SLC9C1: variants seen among roughly 807,000 people sequenced by gnomAD.
The protein encoded by SLC9C1 is solute carrier family 9 member C1.
In SLC9C1, 97 loss-of-function variants were observed where a neutral mutation model predicts 140.9. That is an observed-to-expected ratio of 0.69 (90% CI 0.58 to 0.82). The LOEUF (loss-of-function observed/expected upper bound fraction) is 0.82, where lower values mean the gene tolerates loss of function less well. Among genes scored for constraint, SLC9C1 ranks in the 40% least tolerant of loss-of-function variants. SLC9C1 has a pLI of 0.00. For missense variants in SLC9C1, 1,340 were observed against 1,389.3 expected, an observed-to-expected ratio of 0.96 and a Z score of 0.56; for synonymous variants, 440 against 442.6, an observed-to-expected ratio of 0.99 and a Z score of 0.07.
intron 18 of SLC9C1, among the ~76,000 whole-genome samples, chr3:112,200,977 T>G (rs2077892077): frequency 6.6e-6 from 1 of 152,020 alleles, no homozygotes; most frequent in Admixed American, 6.6e-5. Flanking sequence ...AGCCCAATTT[T>G]GAGACATCTG....
chr3:112,164,117 T>G (rs1041782285), intron 26 of SLC9C1, among the ~76,000 whole-genome samples: 5 of 151,998 alleles, frequency 3.3e-5, no homozygotes, highest in African/African-American at 1.2e-4. Context: ...TTGTTTTCCA[T>G]TTGCTTGGTA....
intron 28 of SLC9C1, 91 bp from the exon 29 acceptor site, chr3:112,141,372 G>T: frequency 7.3e-7 from 1 of 1,373,828 alleles, no homozygotes; most frequent in Middle Eastern, 2.5e-4. Context: ...GTACTAGAGG[G>T]TCAATTTGAC....
At chr3:112,194,649 A>G (rs2077732805) in intron 20 of SLC9C1, among the ~76,000 whole-genome samples, 1 of 152,168 alleles carries the variant, frequency 6.6e-6, no homozygotes, top group East Asian at 1.9e-4. Context: ...ATATACCCAG[A>G]AAAGGAATTA....
intron 2 of SLC9C1, 125 bp from the exon 3 acceptor site, chr3:112,280,908 T>TCCTC: frequency 1.1e-5 from 7 of 609,182 alleles, no homozygotes; most frequent in Non-Finnish European, 1.9e-5. Flanking sequence ...GAGTTTAAAA[T>TCCTC]CCTCCCTCAC....
chr3:112,264,132 T>C (rs1025102155), intron 9 of SLC9C1, 68 bp downstream of exon 9: 1 of 735,972 alleles, frequency 1.4e-6, no homozygotes, highest in Non-Finnish European at 1.9e-6. Context: ...ATCTTTGTGT[T>C]ATTTAAAAGA....
chr3:112,168,295 C>G (rs972570996), intron 25 of SLC9C1, among the ~76,000 whole-genome samples: 1 of 150,906 alleles, frequency 6.6e-6, no homozygotes, highest in Non-Finnish European at 1.5e-5. Flanking sequence ...ACATGTGCCT[C>G]TCTGATTCTC....
At chr3:112,183,349 C>CTTTTCTTTTT (rs1553783293) in intron 20 of SLC9C1, among the ~76,000 whole-genome samples, 2 of 95,396 alleles carry the variant, frequency 2.1e-5, no homozygotes, top group East Asian at 5.1e-4. Context: ...AGCACCTTTT[C>CTTTTCTTTTT]TTTTTTTTTT....
chr3:112,209,103 G>T (rs376559207), intron 15 of SLC9C1, among the ~76,000 whole-genome samples: 1 of 152,212 alleles, frequency 6.6e-6, no homozygotes, highest in East Asian at 1.9e-4. Flanking sequence ...ACATGATAAT[G>T]ATTAATTAAT....
chr3:112,256,039 G>A (rs868182330), intron 10 of SLC9C1, among the ~76,000 whole-genome samples: 27 of 151,738 alleles, frequency 1.8e-4, no homozygotes, highest in Admixed American at 1.3e-4. Context: ...GGAAGAAAGT[G>A]TTTCCCTGAA....
intron 20 of SLC9C1, chr3:112,186,100 T>C (rs1576296986): frequency 4.9e-6 from 4 of 824,678 alleles, no homozygotes; most frequent in South Asian, 2.1e-5. Context: ...CTTTCTGTCT[T>C]GTTCTTACTG....
intron 1 of SLC9C1, among the ~76,000 whole-genome samples, chr3:112,287,616 T>A (rs1210899312): frequency 6.6e-6 from 1 of 152,250 alleles, no homozygotes; most frequent in Non-Finnish European, 1.5e-5. Flanking sequence ...CAATCTCGCC[T>A]GCTTCCCATG....
chr3:112,193,964 G>C (rs935882620), intron 20 of SLC9C1, among the ~76,000 whole-genome samples: 1 of 152,108 alleles, frequency 6.6e-6, no homozygotes, highest in African/African-American at 2.4e-5. Context: ...TGTGGGCTTG[G>C]TGGAATGAAG....
Position 112,141,189 on chromosome 3 carries a change from C to A in SLC9C1, c.*83G>T. On this transcript the variant is annotated 3_prime_UTR_variant, in exon 29 of 29. Transcript: ENST00000305815. ...AGGATCCAACCTGAAGTTACTCCTT[C>A]TTGATGTAGGGAAGTGTGTTTCTGC... is the stretch of plus-strand genomic sequence containing the variant. The A allele has an allele frequency of 7.2e-7, 1 of 1,386,182 alleles. No homozygotes were observed. The highest frequency in any genetic ancestry group is 9.6e-7 in the Non-Finnish European group (1 of 1,044,710). The allele number at this position is 1,386,182 out of a possible 1,614,324, so 85.9% of individuals were successfully genotyped here.
In SLC9C1 at chr3:112,208,061, G is replaced by A. The variant is rs935111366; in HGVS notation, c.1986+117C>T. ...CAAAAATTAAAGTTTGGAGACGTGA[G>A]GAAGAAATTCATACACTCCTTCAGA... On this transcript the variant is annotated intron_variant, in intron 16 of 28. Transcript: ENST00000305815. 4 of 775,774 alleles carry A rather than the reference G, an allele frequency of 5.2e-6. No homozygotes were observed. The South Asian group carries it at 8.1e-5, about 16-fold the overall frequency. 48.1% of individuals were successfully genotyped at this position (775,774 alleles called of 1,614,324 possible). A position where few individuals can be genotyped will look rare whatever the true frequency, so the allele number is the denominator to read the frequency against.
At chr3:112,287,511 T>C (rs897666390) in intron 1 of SLC9C1, among the ~76,000 whole-genome samples, 1 of 152,172 alleles carries the variant, frequency 6.6e-6, no homozygotes, top group African/African-American at 2.4e-5. Flanking sequence ...ATCAGGGAAA[T>C]TGTTACATGT....
intron 15 of SLC9C1, among the ~76,000 whole-genome samples, chr3:112,214,008 C>T (rs532710067): frequency 6.6e-6 from 1 of 152,208 alleles, no homozygotes; most frequent in Non-Finnish European, 1.5e-5. Context: ...AACAAACTGT[C>T]TCTCAGACCA....
At chr3:112,283,676 A>G (rs901845158) in intron 2 of SLC9C1, among the ~76,000 whole-genome samples, 3 of 152,032 alleles carry the variant, frequency 2.0e-5, no homozygotes, top group Non-Finnish European at 1.5e-5. Flanking sequence ...CTTTTTTTAG[A>G]TACAGGCAGT....
chr3:112,258,426 GT>G (rs1263692722), intron 10 of SLC9C1, among the ~76,000 whole-genome samples: 4 of 151,420 alleles, frequency 2.6e-5, no homozygotes, highest in South Asian at 2.1e-4. Context: ...GTTTGTTTGG[GT>G]TTTTTTGTTT....
chr3:112,208,861 G>T (rs915558084), intron 15 of SLC9C1, among the ~76,000 whole-genome samples: 2 of 151,970 alleles, frequency 1.3e-5, no homozygotes, highest in African/African-American at 4.8e-5. Flanking sequence ...TTTTAACAAC[G>T]TATCATGAGC....
Sources: gnomAD v4.1 joint callset for allele counts (sites outside exome capture counted in the v4.1 genomes callset) on GRCh38, gnomAD v4.1.1 for gene constraint, MANE v1.5 for transcripts, NCBI Gene and HGNC (gene_info 2026-07-23, HGNC 2026-07-21) for gene names.